COL10A1: variants seen among roughly 807,000 people sequenced by gnomAD.
COL10A1 encodes the protein collagen alpha-1(X) chain.
COL10A1 carries 10 observed loss-of-function variants against 18.2 expected under a neutral mutation model. The ratio of observed to expected loss-of-function variants is 0.55; its 90% CI spans 0.34 to 0.93. The LOEUF is 0.93. COL10A1 is among the 40% of genes least tolerant of loss of function. COL10A1 has a pLI of 0.02. For synonymous variants in COL10A1, 330 were observed against 316.6 expected (o/e 1.04, Z -0.45); for missense variants, 897 against 853.5 (o/e 1.05, Z -0.64).
chr6:116,174,862 A>G, the COL10A1 span, among the ~76,000 whole-genome samples: 1 of 152,188 alleles, frequency 6.6e-6, no homozygotes, highest in Non-Finnish European at 1.5e-5. Flanking sequence ...CCCTACAAAC[A>G]CTACATAAGC....
the COL10A1 span, among the ~76,000 whole-genome samples, chr6:116,187,274 C>T: frequency 2.0e-5 from 3 of 151,956 alleles, no homozygotes; most frequent in Non-Finnish European, 2.9e-5. Flanking sequence ...AGCAGGGGAG[C>T]GAAGTGGACT....
chr6:116,185,809 C>A, the COL10A1 span, among the ~76,000 whole-genome samples: 89 of 152,110 alleles, frequency 5.9e-4, 1 homozygote, highest in Admixed American at 4.1e-3. Context: ...TTGGTGAATT[C>A]TTAGCCATTC....
At chr6:116,132,469 A>C (rs569209022) in intron 1 of COL10A1, among the ~76,000 whole-genome samples, 1 of 151,870 alleles carries the variant, frequency 6.6e-6, no homozygotes, top group Admixed American at 6.6e-5. Context: ...TAATTTGCTT[A>C]TGAGTTTTTT....
At chr6:116,124,853 G>C (rs757219733) in intron 2 of COL10A1, among the ~76,000 whole-genome samples, 24 of 152,068 alleles carry the variant, frequency 1.6e-4, no homozygotes, top group Admixed American at 2.0e-4. Context: ...TTCATTGTTG[G>C]GGGGGAGGCC....
At position 116,119,375 on chromosome 6, in the gene COL10A1, G is replaced by A. The variant is rs1279733378; in HGVS notation, c.*698C>T. The A allele has an allele frequency of 2.0e-5, 3 of 152,398 alleles. No individual in the cohort carries two copies. 9.4% of individuals were successfully genotyped at this position (152,398 alleles called of 1,614,324 possible). A position where few individuals can be genotyped will look rare whatever the true frequency, so the allele number is the denominator to read the frequency against. Reference sequence around the variant, plus strand: ...CCAAGTTATGCTGGGTATATAAAAAGCTTCTCTGCAATCATAGAAAAGTTT... The same window carrying A: ...CCAAGTTATGCTGGGTATATAAAAAACTTCTCTGCAATCATAGAAAAGTTT... On this transcript the variant is annotated 3_prime_UTR_variant, in exon 3 of 3. Coordinates refer to ENST00000651968, the MANE Select transcript of COL10A1 (RefSeq NM_000493.4).
chr6:116,160,976 T>C (rs1160431806), upstream of COL10A1, among the ~76,000 whole-genome samples: 1 of 151,680 alleles, frequency 6.6e-6, no homozygotes, highest in African/African-American at 2.4e-5. Context: ...ATTAAGAAAA[T>C]GTGGCACATA....
chr6:116,199,991 A>G, the COL10A1 span, among the ~76,000 whole-genome samples: 1 of 94,032 alleles, frequency 1.1e-5, no homozygotes, highest in Admixed American at 9.9e-5. Context: ...AGAGTACAGT[A>G]TGGAAAGTGG....
intron 1 of COL10A1, among the ~76,000 whole-genome samples, chr6:116,154,367 ACCCAGTTTCCCCTC>A (rs1780127646): frequency 6.6e-6 from 1 of 152,126 alleles, no homozygotes; most frequent in Admixed American, 6.6e-5. Flanking sequence ...GTCCATGGTC[ACCCAGTTTCCCCTC>A]AGAAGGAGAC....
At chr6:116,183,464 G>A in the COL10A1 span, among the ~76,000 whole-genome samples, 1 of 151,960 alleles carries the variant, frequency 6.6e-6, no homozygotes, top group Non-Finnish European at 1.5e-5. Flanking sequence ...GCTTTTGGCA[G>A]TATGGTCATT....
At chr6:116,136,781 G>C (rs368524623) in intron 1 of COL10A1, among the ~76,000 whole-genome samples, 2 of 152,110 alleles carry the variant, frequency 1.3e-5, no homozygotes, top group African/African-American at 4.8e-5. Context: ...TAGTTCCAAC[G>C]GTTTGGAATC....
At chr6:116,127,924 C>A (rs185502835), upstream of COL10A1, among the ~76,000 whole-genome samples, 5 of 152,236 alleles carry the variant, frequency 3.3e-5, no homozygotes, top group African/African-American at 1.2e-4. Flanking sequence ...TTTAACCTCT[C>A]TGGGTGTCTG....
intron 1 of COL10A1, among the ~76,000 whole-genome samples, chr6:116,150,902 G>C (rs1386091529): frequency 1.3e-5 from 2 of 152,058 alleles, no homozygotes; most frequent in Non-Finnish European, 1.5e-5. Flanking sequence ...CCATTACATA[G>C]GTTGATTTTA....
At chr6:116,135,873 A>ATG (rs1491111454) in intron 1 of COL10A1, among the ~76,000 whole-genome samples, 64 of 62,176 alleles carry the variant, frequency 1.0e-3, no homozygotes, top group South Asian at 5.6e-3. Context: ...ATATATATAT[A>ATG]CACACATACA....
At chr6:116,196,895 T>A in the COL10A1 span, among the ~76,000 whole-genome samples, 1 of 151,622 alleles carries the variant, frequency 6.6e-6, no homozygotes, top group Non-Finnish European at 1.5e-5. Context: ...TTTCCTCCCC[T>A]CTTCTACTCT....
the COL10A1 span, among the ~76,000 whole-genome samples, chr6:116,179,862 A>G: frequency 1.3e-5 from 2 of 152,228 alleles, no homozygotes; most frequent in Middle Eastern, 3.4e-3. Flanking sequence ...AAGATTCTTG[A>G]TGTCATGAAA....
intron 1 of COL10A1, 189 bp from the exon 2 acceptor site, chr6:116,125,696 G>A: frequency 6.3e-6 from 3 of 473,022 alleles, no homozygotes; most frequent in Middle Eastern, 6.1e-4. Flanking sequence ...AGTTATTTTT[G>A]GAAGCTATAC....
At chr6:116,182,255 A>G in the COL10A1 span, among the ~76,000 whole-genome samples, 4 of 83,210 alleles carry the variant, frequency 4.8e-5, no homozygotes, top group Admixed American at 1.2e-4. Context: ...GTGTGTGTGT[A>G]TCACATTTTC....
At chr6:116,124,880 A>G (rs1270777798) in intron 2 of COL10A1, among the ~76,000 whole-genome samples, 1 of 152,200 alleles carries the variant, frequency 6.6e-6, no homozygotes, top group Non-Finnish European at 1.5e-5. Context: ...TTTTTTTGAT[A>G]AGACTCGGTT....
At chr6:116,175,576 T>C in the COL10A1 span, among the ~76,000 whole-genome samples, 2 of 152,210 alleles carry the variant, frequency 1.3e-5, 1 homozygote, top group South Asian at 4.1e-4. Context: ...GATAATGTCT[T>C]ACAGTTTGTG....
Sources: allele counts gnomAD v4.1 joint callset (sites outside exome capture counted in the v4.1 genomes callset), GRCh38; gene constraint gnomAD v4.1.1; transcripts MANE v1.5; gene names NCBI Gene and HGNC (gene_info 2026-07-23, HGNC 2026-07-21).